CUBN: variants seen among roughly 807,000 people sequenced by gnomAD.
The protein encoded by CUBN is cubilin.
In CUBN, 282 loss-of-function variants were observed where a neutral mutation model predicts 405.3. The ratio of observed to expected loss-of-function variants is 0.70; its 90% CI spans 0.63 to 0.77. The LOEUF (loss-of-function observed/expected upper bound fraction) is 0.77, where lower values mean the gene tolerates loss of function less well. Among genes scored for constraint, CUBN ranks in the 30% least tolerant of loss-of-function variants. CUBN has a pLI of 0.00. For synonymous variants in CUBN, 1,684 were observed against 1,617.0 expected (o/e 1.04, Z -0.99); for missense variants, 4,514 against 4,475.2 (o/e 1.01, Z -0.25).
chr10:17,025,796 G>C (rs1005334055), intron 27 of CUBN, among the ~76,000 whole-genome samples: 3 of 152,140 alleles, frequency 2.0e-5, no homozygotes, highest in Non-Finnish European at 4.4e-5. Flanking sequence ...GACAACTTGG[G>C]CATTGTGGAG....
Position 16,824,950 on chromosome 10 carries a change from T to G in CUBN, c.*25A>C, listed in dbSNP as rs1321549482. The G allele has an allele frequency of 1.5e-5, 23 of 1,544,970 alleles. No homozygotes were observed. The African/African-American group carries it at 2.9e-4, about 19-fold the overall frequency. ...CCAGCGTGCTGCAGAGGGAAAGTGCTGAGTGAACACGAGTTGTTACCCACT... is the reference window on the plus strand; with the variant it reads ...CCAGCGTGCTGCAGAGGGAAAGTGCGGAGTGAACACGAGTTGTTACCCACT... On this transcript the variant is annotated 3_prime_UTR_variant, in exon 67 of 67. Coordinates refer to ENST00000377833, the MANE Select transcript of CUBN (RefSeq NM_001081.4).
At chr10:17,006,974 C>T (rs546990195) in intron 28 of CUBN, among the ~76,000 whole-genome samples, 76 of 152,180 alleles carry the variant, frequency 5.0e-4, no homozygotes, top group Non-Finnish European at 8.5e-4. Flanking sequence ...CCTGCAAGCT[C>T]CCAGCTGAAG....
In CUBN at chr10:16,963,187, C is replaced by CTTTTTTTTTTTTTTTTTTTTTTTT. The variant is rs1189695066; in HGVS notation, c.4696-8640_4696-8639insAAAAAAAAAAAAAAAAAAAAAAAA. Among the ~76,000 whole-genome samples the CTTTTTTTTTTTTTTTTTTTTTTTT allele has an allele frequency of 3.0e-4, 25 of 84,350 alleles. 5 individuals are homozygous for CTTTTTTTTTTTTTTTTTTTTTTTT. The highest frequency in any genetic ancestry group is 1.3e-3 in the South Asian group (3 of 2,296). 55.3% of individuals were successfully genotyped at this position (84,350 alleles called of 152,430 possible). On this transcript the variant is annotated intron_variant, in intron 31 of 66. Transcript: ENST00000377833. The stretch of plus-strand genomic sequence containing the variant: ...ATACATTTCTTTTTTCTTTTCTTTT[C>CTTTTTTTTTTTTTTTTTTTTTTTT]TTTTTTTTCTTTTTTTTTTTTTTTT...
intron 19 of CUBN, among the ~76,000 whole-genome samples, chr10:17,070,622 C>T (rs898312470): frequency 6.6e-6 from 1 of 151,990 alleles, no homozygotes. Flanking sequence ...TTTTTTAATG[C>T]TATTGTAAAT....
chr10:16,835,003 A>G lies in CUBN; in HGVS notation c.10362+11T>C. The G allele has an allele frequency of 1.2e-6, 2 of 1,609,344 alleles. No homozygotes were observed. The highest frequency in any genetic ancestry group is 2.2e-5 in the South Asian group (2 of 90,986). On this transcript the variant is annotated intron_variant, in intron 64 of 66. Coordinates refer to ENST00000377833, the MANE Select transcript of CUBN (RefSeq NM_001081.4). ...AATAATTCATTCAAACGATATTCAAATGCATATCACCTCCAAGAAATCGTT... is the reference window on the plus strand; with the variant it reads ...AATAATTCATTCAAACGATATTCAAGTGCATATCACCTCCAAGAAATCGTT...
At chr10:17,036,835 A>G (rs984788324) in intron 27 of CUBN, among the ~76,000 whole-genome samples, 4 of 152,184 alleles carry the variant, frequency 2.6e-5, no homozygotes, top group South Asian at 2.1e-4. Flanking sequence ...AGAATGGTAG[A>G]CTTGGGGGCA....
intron 31 of CUBN, among the ~76,000 whole-genome samples, chr10:16,968,551 C>G (rs1843464905): frequency 6.6e-6 from 1 of 152,148 alleles, no homozygotes; most frequent in African/African-American, 2.4e-5. Flanking sequence ...TTCCAATGAT[C>G]TGAGCAAAGA....
chr10:16,935,880 AAAAAAAAAAAAAAAAAG>A (rs1387594957), intron 39 of CUBN, among the ~76,000 whole-genome samples: 1 of 35,926 alleles, frequency 2.8e-5, no homozygotes, highest in South Asian at 7.6e-4. Flanking sequence ...ACTCCATCTC[AAAAAAAAAAAAAAAAAG>A]AAAAAAAAAA....
intron 39 of CUBN, 98 bp from the exon 40 acceptor site, chr10:16,933,382 A>C: frequency 9.5e-7 from 1 of 1,049,480 alleles, no homozygotes; most frequent in Non-Finnish European, 1.4e-6. Flanking sequence ...ACTGAAAAGA[A>C]GCAACCAATT....
chr10:16,899,782 C>T (rs756923273), intron 53 of CUBN, among the ~76,000 whole-genome samples: 1 of 152,092 alleles, frequency 6.6e-6, no homozygotes, highest in Non-Finnish European at 1.5e-5. Flanking sequence ...CTGTGAAACC[C>T]CTGGAAATCA....
intron 27 of CUBN, among the ~76,000 whole-genome samples, chr10:17,024,921 C>G (rs1834616092): frequency 6.6e-6 from 1 of 152,082 alleles, no homozygotes; most frequent in African/African-American, 2.4e-5. Context: ...CCTGGAAGGT[C>G]TTCTGGAAGA....
At chr10:16,869,912 CT>C in intron 58 of CUBN, 59 bp from the exon 59 acceptor site, 1 of 1,269,114 alleles carries the variant, frequency 7.9e-7, no homozygotes, top group Non-Finnish European at 1.1e-6. Context: ...TAAATTGTAG[CT>C]TTAGCTCTTG....
At chr10:16,995,615 C>A (rs1833711600) in intron 28 of CUBN, among the ~76,000 whole-genome samples, 1 of 152,084 alleles carries the variant, frequency 6.6e-6, no homozygotes, top group South Asian at 2.1e-4. Context: ...CAGGTATGAG[C>A]CACCACACCT....
intron 12 of CUBN, among the ~76,000 whole-genome samples, chr10:17,103,982 G>T (rs948859808): frequency 1.3e-4 from 20 of 152,166 alleles, no homozygotes; most frequent in African/African-American, 4.6e-4. Context: ...GTGAGACTTG[G>T]TTATAGAAGA....
At chr10:16,833,673 C>T (rs1839081431) in intron 64 of CUBN, among the ~76,000 whole-genome samples, 1 of 152,062 alleles carries the variant, frequency 6.6e-6, no homozygotes, top group South Asian at 2.1e-4. Flanking sequence ...AAAGAAAGCC[C>T]TTGGTGCTAA....
intron 28 of CUBN, among the ~76,000 whole-genome samples, chr10:17,016,171 G>A (rs35233261): frequency 0.36 from 53,896 of 150,364 alleles, 10,075 homozygotes; most frequent in East Asian, 0.59. Context: ...ATAGCCACTT[G>A]AGGAAGGCAG....
In CUBN at chr10:17,045,038, T is replaced by C; in HGVS notation, c.3641A>G (p.His1214Arg). 3 of 1,614,102 alleles carry C rather than the reference T, an allele frequency of 1.9e-6. No individual in the cohort carries two copies. Among genetic ancestry groups the C allele is most frequent in the East Asian group, 2.2e-5 (1 of 44,876 alleles). Reference sequence around the variant, plus strand: ...GTAATCTAAAGTGCAGTTTGGATGATGCTCCAAGTGAAAGTCTTTGAATTC... The same window carrying C: ...GTAATCTAAAGTGCAGTTTGGATGACGCTCCAAGTGAAAGTCTTTGAATTC... Reference protein sequence around the residue: ...ELEFKDFHLEHHPNCTLDYLA... With the variant: ...ELEFKDFHLERHPNCTLDYLA... The change falls in exon 25 of 67, where the codon CAT (histidine) becomes CGT (arginine). Residue 1214 changes from histidine to arginine, a missense_variant. Physicochemically the swap from His to Arg is conservative, Grantham distance 29. Around this residue, in one of 5 missense-constraint regions of CUBN, gnomAD observed 242 missense variants for 309.0 expected, o/e 0.78. Coordinates refer to ENST00000377833, the MANE Select transcript of CUBN (RefSeq NM_001081.4).
At position 16,952,327 on chromosome 10, in the gene CUBN, T is replaced by C. The variant is rs1186833260; in HGVS notation, c.4918A>G (p.Asn1640Asp). ...CTGCAGTTCTGATTGTTTGGATAATTGGCAGGGAACCGTGGAGAGGAAACA... is the reference window on the plus strand; with the variant it reads ...CTGCAGTTCTGATTGTTTGGATAATCGGCAGGGAACCGTGGAGAGGAAACA... ...DTVSSPRFPA[N>D]YPNNQNCSWI... The change falls in exon 33 of 67, where the codon AAT becomes GAT. Residue 1640 changes from asparagine to aspartate, a missense_variant. This residue lies in a region of CUBN where 1,613 missense variants were observed against 1,542.8 expected (regional missense o/e 1.05). Coordinates refer to ENST00000377833, the MANE Select transcript of CUBN (RefSeq NM_001081.4). 1 of 1,613,922 alleles carries C rather than the reference T, an allele frequency of 6.2e-7. No individual in the cohort carries two copies. The highest frequency in any genetic ancestry group is 8.5e-7 in the Non-Finnish European group (1 of 1,179,960).
rs1373760534 is a variant in CUBN at position 16,823,967 on chromosome 10, T to A, written c.*1008A>T. ...AGTCAAAAAATTAATGCAGCATAAT[T>A]GTGTACAATTCAATAATGTTTATTA... On this transcript the variant is annotated 3_prime_UTR_variant, in exon 67 of 67. Transcript: ENST00000377833. 1 of 152,208 alleles carries A rather than the reference T, an allele frequency of 6.6e-6. No homozygotes were observed. Among genetic ancestry groups the A allele is most frequent in the Admixed American group, 6.5e-5 (1 of 15,278 alleles). 9.4% of individuals were successfully genotyped at this position (152,208 alleles called of 1,614,324 possible).
Sources: allele counts gnomAD v4.1 joint callset (sites outside exome capture counted in the v4.1 genomes callset), GRCh38; gene constraint gnomAD v4.1.1; regional missense constraint gnomAD v4.1.1; transcripts MANE v1.5; gene names NCBI Gene and HGNC (gene_info 2026-07-23, HGNC 2026-07-21).